Variants in SMYD3 observed in about 807,000 individuals in gnomAD.
SMYD3 encodes the protein histone-lysine N-methyltransferase SMYD3.
In SMYD3, 36 loss-of-function variants were observed where a neutral mutation model predicts 57.7. That is an observed-to-expected ratio of 0.62 (90% CI 0.48 to 0.82). The LOEUF (loss-of-function observed/expected upper bound fraction) is 0.82, where lower values mean the gene tolerates loss of function less well. Ranked by LOEUF, SMYD3 falls within the 40% of genes least tolerant of loss-of-function variation. SMYD3 has a pLI of 0.00. For synonymous variants in SMYD3, 211 were observed against 195.0 expected (o/e 1.08, Z -0.68); for missense variants, 515 against 538.8 (o/e 0.96, Z 0.44).
chr1:246,468,018 G>A (rs921732767), intron 1 of SMYD3, among the ~76,000 whole-genome samples: 1 of 151,440 alleles, frequency 6.6e-6, no homozygotes, highest in South Asian at 2.1e-4. Context: ...AAAATTAGGC[G>A]GGCGTGGTGG....
At chr1:245,827,979 G>A (rs1274430947) in intron 10 of SMYD3, among the ~76,000 whole-genome samples, 3 of 152,132 alleles carry the variant, frequency 2.0e-5, no homozygotes, top group Non-Finnish European at 4.4e-5. Context: ...GGGCAGACAC[G>A]AGGAAAGAAA....
At chr1:245,932,588 C>A (rs2056783702) in intron 5 of SMYD3, among the ~76,000 whole-genome samples, 1 of 152,168 alleles carries the variant, frequency 6.6e-6, no homozygotes. Flanking sequence ...GAGACAAGGT[C>A]TCACTCTGTC....
At chr1:246,459,608 T>A (rs2103037249) in intron 1 of SMYD3, among the ~76,000 whole-genome samples, 1 of 152,346 alleles carries the variant, frequency 6.6e-6, no homozygotes, top group South Asian at 2.1e-4. Flanking sequence ...CCATGCTTCC[T>A]GTACAGCCTG....
intron 1 of SMYD3, among the ~76,000 whole-genome samples, chr1:246,423,549 A>T (rs2067175852): frequency 1.3e-5 from 2 of 152,208 alleles, no homozygotes; most frequent in Non-Finnish European, 1.5e-5. Flanking sequence ...AAAATGTTTT[A>T]AAGTAGTCAG....
At position 246,339,765 on chromosome 1, in the gene SMYD3, C is replaced by T. The variant is rs566020389; in HGVS notation, c.229-4291G>A. ...CGTTCAGTAGCACAGCGCTCACGAACGGATTCATGTCACTATTGCAACAGT... is the reference window on the plus strand; with the variant it reads ...CGTTCAGTAGCACAGCGCTCACGAATGGATTCATGTCACTATTGCAACAGT... On this transcript the variant is annotated intron_variant, in intron 2 of 11. Transcript: ENST00000490107. 9.8e-5 allele frequency among the ~76,000 whole-genome samples: 15 copies of T among 152,310 alleles called. No individual in the cohort carries two copies. The South Asian group carries it at 1.9e-3, about 19-fold the overall frequency.
intron 5 of SMYD3, among the ~76,000 whole-genome samples, chr1:246,300,067 T>C (rs186903204): frequency 2.0e-5 from 3 of 148,908 alleles, no homozygotes; most frequent in African/African-American, 5.2e-5. Context: ...TACAATGGAA[T>C]AGTATACAAC....
intron 7 of SMYD3, among the ~76,000 whole-genome samples, chr1:245,920,187 C>G (rs913948881): frequency 6.6e-6 from 1 of 152,074 alleles, no homozygotes; most frequent in South Asian, 2.1e-4. Flanking sequence ...GTGGCGGGCG[C>G]CTGTAGTCCC....
intron 5 of SMYD3, among the ~76,000 whole-genome samples, chr1:246,025,439 A>G (rs935354006): frequency 6.6e-6 from 1 of 152,228 alleles, no homozygotes; most frequent in Non-Finnish European, 1.5e-5. Context: ...CCAAACACAA[A>G]GACGTCTCAC....
At chr1:246,409,062 G>A (rs1344592255) in intron 1 of SMYD3, among the ~76,000 whole-genome samples, 1 of 152,084 alleles carries the variant, frequency 6.6e-6, no homozygotes, top group African/African-American at 2.4e-5. Flanking sequence ...GTTCATTGTA[G>A]ATTCTGGATA....
At chr1:246,311,692 A>G (rs75071843) in intron 5 of SMYD3, among the ~76,000 whole-genome samples, 3,509 of 152,344 alleles carry the variant, frequency 0.023, 57 homozygotes, top group Non-Finnish European at 0.035. Flanking sequence ...CACCCCAGCC[A>G]TAACTAGGCC....
intron 10 of SMYD3, among the ~76,000 whole-genome samples, chr1:245,839,297 G>A (rs968052912): frequency 2.0e-5 from 3 of 152,142 alleles, no homozygotes; most frequent in South Asian, 2.1e-4. Flanking sequence ...AGCCTCCCAC[G>A]TAGCTGGGAC....
At chr1:245,758,796 T>C (rs2045714454) in intron 11 of SMYD3, among the ~76,000 whole-genome samples, 1 of 152,246 alleles carries the variant, frequency 6.6e-6, no homozygotes, top group South Asian at 2.1e-4. Context: ...ACATCTCTGT[T>C]ATCTTGGAAT....
chr1:246,467,475 G>A (rs2067898149), intron 1 of SMYD3, among the ~76,000 whole-genome samples: 1 of 151,922 alleles, frequency 6.6e-6, no homozygotes, highest in South Asian at 2.1e-4. Flanking sequence ...ACAAAAAGAG[G>A]GAAGACTCGA....
At chr1:246,055,627 A>G (rs902651207) in intron 5 of SMYD3, among the ~76,000 whole-genome samples, 3 of 152,226 alleles carry the variant, frequency 2.0e-5, no homozygotes, top group African/African-American at 7.2e-5. Flanking sequence ...AGATGAATGG[A>G]GAAATCAAAT....
At chr1:246,049,381 CT>C (rs1308579475) in intron 5 of SMYD3, among the ~76,000 whole-genome samples, 1 of 152,082 alleles carries the variant, frequency 6.6e-6, no homozygotes, top group Non-Finnish European at 1.5e-5. Context: ...ACTGCAAGCT[CT>C]GCCTCCCGGG....
At chr1:245,875,749 G>A (rs1237050409) in intron 8 of SMYD3, among the ~76,000 whole-genome samples, 1 of 152,200 alleles carries the variant, frequency 6.6e-6, no homozygotes, top group Non-Finnish European at 1.5e-5. Context: ...CATACTCATT[G>A]TGGGCCAAAA....
chr1:246,215,384 T>C (rs905365593), intron 5 of SMYD3, among the ~76,000 whole-genome samples: 2 of 152,046 alleles, frequency 1.3e-5, no homozygotes, highest in African/African-American at 2.4e-5. Flanking sequence ...ATAAATAACT[T>C]TGAGATCATC....
At chr1:245,967,083 A>G (rs930241767) in intron 5 of SMYD3, among the ~76,000 whole-genome samples, 3 of 152,174 alleles carry the variant, frequency 2.0e-5, no homozygotes, top group Non-Finnish European at 4.4e-5. Flanking sequence ...CAAAAGTAGA[A>G]TTTGTTTTTC....
At chr1:245,911,693 A>G (rs2055001253) in intron 8 of SMYD3, among the ~76,000 whole-genome samples, 1 of 152,124 alleles carries the variant, frequency 6.6e-6, no homozygotes, top group Non-Finnish European at 1.5e-5. Context: ...AGGTGATTTT[A>G]TAGAGATAGT....
Sources: gnomAD v4.1 joint callset for allele counts (sites outside exome capture counted in the v4.1 genomes callset) on GRCh38, gnomAD v4.1.1 for gene constraint, MANE v1.5 for transcripts, NCBI Gene and HGNC (gene_info 2026-07-23, HGNC 2026-07-21) for gene names.